Variants in TANC1 observed in about 807,000 individuals in gnomAD.
The protein encoded by TANC1 is protein TANC1.
Under a neutral mutation model 149.7 loss-of-function variants are expected in TANC1, and 77 were observed. The ratio of observed to expected loss-of-function variants is 0.51; its 90% CI spans 0.43 to 0.62. The LOEUF is 0.62. TANC1 is among the 20% of genes least tolerant of loss of function. The probability of loss-of-function intolerance (pLI) is 0.00; values close to 1 mark genes in which losing one functional copy is unlikely to be tolerated. For synonymous variants in TANC1, 854 were observed against 925.0 expected (o/e 0.92, Z 1.39); for missense variants, 1,985 against 2,321.8 (o/e 0.85, Z 2.98).
chr2:159,151,199 G>C (rs1230352045), intron 7 of TANC1, among the ~76,000 whole-genome samples: 1 of 152,164 alleles, frequency 6.6e-6, no homozygotes, highest in Non-Finnish European at 1.5e-5. Flanking sequence ...AGATCATTAA[G>C]GATTTTGATT....
At chr2:159,101,681 G>T (rs966639307) in intron 4 of TANC1, among the ~76,000 whole-genome samples, 1 of 152,138 alleles carries the variant, frequency 6.6e-6, no homozygotes, top group African/African-American at 2.4e-5. Flanking sequence ...ATCAATATTT[G>T]TAATGTGTGC....
intron 4 of TANC1, among the ~76,000 whole-genome samples, chr2:159,109,323 A>G (rs2047494276): frequency 6.6e-6 from 1 of 152,192 alleles, no homozygotes; most frequent in Non-Finnish European, 1.5e-5. Flanking sequence ...ACATGGGGTA[A>G]TAATGGGGCT....
chr2:159,086,039 T>A (rs774969104), intron 3 of TANC1, among the ~76,000 whole-genome samples: 7 of 152,222 alleles, frequency 4.6e-5, no homozygotes, highest in African/African-American at 1.7e-4. Context: ...TATCCTGTGG[T>A]TAGTTGTTGT....
chr2:159,122,042 A>G (rs1182273977), intron 4 of TANC1, among the ~76,000 whole-genome samples: 1 of 152,140 alleles, frequency 6.6e-6, no homozygotes, highest in Non-Finnish European at 1.5e-5. Flanking sequence ...GGTTGAAGTA[A>G]TCCTCCCACC....
intron 2 of TANC1, among the ~76,000 whole-genome samples, chr2:159,010,245 T>C (rs1410807862): frequency 6.6e-6 from 1 of 152,208 alleles, no homozygotes; most frequent in Non-Finnish European, 1.5e-5. Context: ...TTATCCTTAA[T>C]TTTACATAAA....
intron 14 of TANC1, among the ~76,000 whole-genome samples, chr2:159,179,381 T>C (rs1407976477): frequency 6.6e-6 from 1 of 151,990 alleles, no homozygotes; most frequent in Non-Finnish European, 1.5e-5. Context: ...AGGACTCCCT[T>C]ATGGATGGTA....
Position 159,224,339 on chromosome 2 carries a change from G to C in TANC1, c.3786G>C (p.Ala1262=). 2 of 1,614,132 alleles carry C rather than the reference G, an allele frequency of 1.2e-6. No individual in the cohort carries two copies. Among genetic ancestry groups the C allele is most frequent in the Non-Finnish European group, 1.7e-6 (2 of 1,180,022 alleles). Residue 1262 remains alanine (A), a synonymous_variant, in exon 23 of 27, where the codon GCG becomes GCC. Coordinates refer to ENST00000263635, the MANE Select transcript of TANC1 (RefSeq NM_033394.3). The part of the protein sequence containing the change: ...IGCRNTSVVV[A]LLRKGAKLGN... The stretch of plus-strand genomic sequence containing the variant: ...GCCGGAACACATCTGTAGTGGTGGC[G>C]CTACTCAGAAAGGGAGCCAAGTTAG...
chr2:159,199,158 C>G (rs964412680), intron 19 of TANC1, 105 bp downstream of exon 19: 3 of 757,682 alleles, frequency 4.0e-6, no homozygotes, highest in African/African-American at 3.5e-5. Context: ...AGTCCTGTTT[C>G]TATTTTATCA....
Position 159,196,606 on chromosome 2 carries a change from A to C in TANC1, c.2980-2A>C. ...GTAACCTTCCCCTACTCCTGCCCCC[A>C]GGTGGACCACTTGGATAAGAAGGGC... On this transcript the variant is annotated splice_acceptor_variant, in intron 17 of 26. Coordinates refer to ENST00000263635, the MANE Select transcript of TANC1 (RefSeq NM_033394.3). LOFTEE classifies it high-confidence loss of function. 6.3e-7 allele frequency: 1 copy of C among 1,596,128 alleles called. No homozygotes were observed. The highest frequency in any genetic ancestry group is 8.6e-7 in the Non-Finnish European group (1 of 1,168,298).
At chr2:159,153,969 C>A (rs1260986814) in intron 7 of TANC1, among the ~76,000 whole-genome samples, 1 of 152,178 alleles carries the variant, frequency 6.6e-6, no homozygotes, top group Non-Finnish European at 1.5e-5. Flanking sequence ...CTAACAGTGG[C>A]TTGTAAAACA....
intron 4 of TANC1, 63 bp from the exon 5 acceptor site, chr2:159,136,131 A>G: frequency 1.0e-6 from 1 of 999,272 alleles, no homozygotes; most frequent in South Asian, 1.3e-5. Context: ...CACACACTGT[A>G]CATTCCAAGG....
chr2:159,170,641 A>G lies in TANC1; in HGVS notation c.1187A>G (p.Glu396Gly). Reference protein sequence around the residue: ...VGRDWLFHQIEENLRNTELAE... With the variant: ...VGRDWLFHQIGENLRNTELAE... ...AGGGATTGGCTCTTTCACCAGATAG[A>G]AGAAAACTTGAGGAACACAGAACTG... Residue 396 changes from glutamate to glycine, a missense_variant, in exon 10 of 27, where the codon GAA becomes GGA. Coordinates refer to ENST00000263635, the MANE Select transcript of TANC1 (RefSeq NM_033394.3). The G allele has an allele frequency of 6.2e-7, 1 of 1,614,184 alleles. No homozygotes were observed. Among genetic ancestry groups the G allele is most frequent in the Non-Finnish European group, 8.5e-7 (1 of 1,180,046 alleles).
intron 7 of TANC1, among the ~76,000 whole-genome samples, chr2:159,160,346 T>G (rs2053919154): frequency 6.6e-6 from 1 of 152,202 alleles, no homozygotes; most frequent in Admixed American, 6.5e-5. Context: ...ATTTTTTTTT[T>G]TTAAGTCATC....
Position 159,097,720 on chromosome 2 carries a change from G to T in TANC1, c.145G>T (p.Glu49Ter). The change falls in exon 4 of 27, where the codon GAG (glutamate) becomes TAG (stop). Residue 49 changes from glutamate (E) to a stop codon, truncating the protein, a stop_gained. Coordinates refer to ENST00000263635, the MANE Select transcript of TANC1 (RefSeq NM_033394.3). LOFTEE classifies it high-confidence loss of function. ...TCCTGTGAGCAGTCTTCCCACAGCAGAGGACACCTATAGGGTGAGCTTGGC... is the reference window on the plus strand; with the variant it reads ...TCCTGTGAGCAGTCTTCCCACAGCATAGGACACCTATAGGGTGAGCTTGGC... ...DSPVSSLPTA[E>*]DTYRVSLAKG... is the part of the protein sequence containing the mutation. 1.2e-6 allele frequency: 2 copies of T among 1,614,162 alleles called. No individual in the cohort carries two copies. Among genetic ancestry groups the T allele is most frequent in the Non-Finnish European group, 8.5e-7 (1 of 1,180,018 alleles).
chr2:159,122,185 G>A (rs946623876), intron 4 of TANC1, among the ~76,000 whole-genome samples: 5 of 152,144 alleles, frequency 3.3e-5, no homozygotes, highest in East Asian at 1.9e-4. Context: ...CCATCTGCCC[G>A]CCTTGGTCTT....
intron 3 of TANC1, among the ~76,000 whole-genome samples, chr2:159,088,996 G>A (rs2045249331): frequency 6.6e-6 from 1 of 152,174 alleles, no homozygotes. Flanking sequence ...TGGTGGTTGG[G>A]GGAGGCTTAT....
At chr2:158,992,039 T>C (rs2035684149) in intron 1 of TANC1, among the ~76,000 whole-genome samples, 1 of 152,080 alleles carries the variant, frequency 6.6e-6, no homozygotes, top group Non-Finnish European at 1.5e-5. Flanking sequence ...AGTGATGTTA[T>C]GTAAAGTTTG....
intron 2 of TANC1, among the ~76,000 whole-genome samples, chr2:159,057,439 C>T (rs1277572829): frequency 6.6e-6 from 1 of 152,126 alleles, no homozygotes; most frequent in African/African-American, 2.4e-5. Flanking sequence ...AGATGTATGT[C>T]GAATGAAAAC....
chr2:159,177,041 C>A (rs1224443152), intron 13 of TANC1, among the ~76,000 whole-genome samples: 1 of 150,840 alleles, frequency 6.6e-6, no homozygotes, highest in Non-Finnish European at 1.5e-5. Context: ...TCCGGAGTAG[C>A]TGGGATTACA....
Sources: allele counts gnomAD v4.1 joint callset (sites outside exome capture counted in the v4.1 genomes callset), GRCh38; gene constraint gnomAD v4.1.1; transcripts MANE v1.5; gene names NCBI Gene and HGNC (gene_info 2026-07-23, HGNC 2026-07-21).